The following STX8 variants were observed in gnomAD, a reference collection of about 807,000 sequenced individuals.
STX8 encodes the protein syntaxin 8.
In STX8, 23 loss-of-function variants were observed where a neutral mutation model predicts 37.5. That is an observed-to-expected ratio of 0.61 (90% confidence interval 0.44 to 0.87). The LOEUF (loss-of-function observed/expected upper bound fraction) is 0.87, where lower values mean the gene tolerates loss of function less well. STX8 is among the 40% of genes least tolerant of loss of function. The pLI is 0.00. For synonymous variants in STX8, 115 were observed against 99.1 expected (o/e 1.16, Z -0.95); for missense variants, 313 against 284.7 (o/e 1.10, Z -0.71).
At chr17:9,311,740 A>G (rs1345610385) in intron 7 of STX8, among the ~76,000 whole-genome samples, 1 of 152,210 alleles carries the variant, frequency 6.6e-6, no homozygotes, top group Non-Finnish European at 1.5e-5. Flanking sequence ...ACATGTCCCT[A>G]TCTCATTGGA....
chr17:9,528,288 G>A (rs1413656952), intron 4 of STX8, among the ~76,000 whole-genome samples: 1 of 151,316 alleles, frequency 6.6e-6, no homozygotes, highest in Admixed American at 6.6e-5. Context: ...GAACTTTTGA[G>A]TTACACATTG....
intron 2 of STX8, among the ~76,000 whole-genome samples, chr17:9,565,660 C>G (rs151236612): frequency 1.3e-5 from 2 of 149,690 alleles, no homozygotes; most frequent in South Asian, 4.3e-4. Flanking sequence ...TAAGGCCACA[C>G]GTACAACTAT....
intron 6 of STX8, among the ~76,000 whole-genome samples, chr17:9,482,882 A>C (rs59506467): frequency 0.037 from 5,631 of 152,196 alleles, 334 homozygotes; most frequent in African/African-American, 0.13. Flanking sequence ...CCACTGCACT[A>C]CAGCCTGGGT....
chr17:9,450,109 C>T (rs551981551), intron 6 of STX8, among the ~76,000 whole-genome samples: 5 of 151,836 alleles, frequency 3.3e-5, no homozygotes, highest in East Asian at 3.9e-4. Flanking sequence ...GATGGAGTCT[C>T]GCTCTGTCAT....
intron 6 of STX8, among the ~76,000 whole-genome samples, chr17:9,402,223 G>A (rs1228178206): frequency 6.6e-6 from 1 of 151,976 alleles, no homozygotes; most frequent in East Asian, 1.9e-4. Flanking sequence ...GAGTTCAAGC[G>A]ATTCTCCTGC....
At chr17:9,471,517 T>C (rs1905866499) in intron 6 of STX8, among the ~76,000 whole-genome samples, 1 of 152,042 alleles carries the variant, frequency 6.6e-6, no homozygotes, top group Non-Finnish European at 1.5e-5. Flanking sequence ...ATCCTGGAGC[T>C]TGGATTTTGG....
chr17:9,276,628 G>T (rs1336555775), intron 7 of STX8, among the ~76,000 whole-genome samples: 39 of 141,880 alleles, frequency 2.7e-4, no homozygotes, highest in Non-Finnish European at 3.7e-4. Context: ...TTATTTGTTT[G>T]TTTTTTTTTT....
chr17:9,556,515 C>T (rs1320686790), intron 3 of STX8, among the ~76,000 whole-genome samples: 1 of 151,904 alleles, frequency 6.6e-6, no homozygotes, highest in East Asian at 1.9e-4. Flanking sequence ...GATCTCGGCT[C>T]ACTGCAACCT....
At chr17:9,471,781 G>A (rs1045139453) in intron 6 of STX8, among the ~76,000 whole-genome samples, 1 of 152,172 alleles carries the variant, frequency 6.6e-6, no homozygotes, top group African/African-American at 2.4e-5. Context: ...GGATTCCACT[G>A]GGAGAGGATG....
intron 7 of STX8, among the ~76,000 whole-genome samples, chr17:9,316,229 G>T (rs928360425): frequency 5.3e-5 from 8 of 151,950 alleles, no homozygotes; most frequent in African/African-American, 1.9e-4. Flanking sequence ...TATATATTTG[G>T]CCTTGTTTAA....
At position 9,300,902 on chromosome 17, in the gene STX8, G is replaced by A. The variant is rs369170488; in HGVS notation, c.644-50257C>T. On this transcript the variant is annotated intron_variant, in intron 7 of 7. Coordinates refer to ENST00000306357, the MANE Select transcript of STX8 (RefSeq NM_004853.3). The stretch of plus-strand genomic sequence containing the variant: ...GGCTGGAGTGCAGTGATGCAATCTC[G>A]GCTCACTGCAAACTCCACCTCCCGG... Among the ~76,000 whole-genome samples, 10 of 134,690 alleles carry A rather than the reference G, an allele frequency of 7.4e-5. No homozygotes were observed. The East Asian group carries it at 1.5e-3, about 21-fold the overall frequency. 88.4% of individuals were successfully genotyped at this position (134,690 alleles called of 152,430 possible). A position where few individuals can be genotyped will look rare whatever the true frequency, so the allele number is the denominator to read the frequency against.
At chr17:9,398,016 C>G (rs1429155573) in intron 6 of STX8, among the ~76,000 whole-genome samples, 3 of 137,840 alleles carry the variant, frequency 2.2e-5, no homozygotes, top group Admixed American at 2.2e-4. Context: ...AAAGAACAAA[C>G]AAAATAACAT....
intron 6 of STX8, among the ~76,000 whole-genome samples, chr17:9,382,365 A>G (rs1911854388): frequency 6.6e-6 from 1 of 152,232 alleles, no homozygotes; most frequent in Admixed American, 6.5e-5. Context: ...CAACTATATC[A>G]ATAGTCACAT....
At chr17:9,564,967 G>A (rs1907397047) in intron 2 of STX8, among the ~76,000 whole-genome samples, 1 of 152,208 alleles carries the variant, frequency 6.6e-6, no homozygotes, top group South Asian at 2.1e-4. Flanking sequence ...CAGGACTTTG[G>A]GAAGCCAAGG....
rs374424129 is a variant in STX8, at chr17:9,282,453, T to C, written c.644-31808A>G. 1.4e-4 allele frequency among the ~76,000 whole-genome samples: 21 copies of C among 152,324 alleles called. No homozygotes were observed. The East Asian group carries it at 4.0e-3, about 29-fold the overall frequency. On this transcript the variant is annotated intron_variant, in intron 7 of 7. Coordinates refer to ENST00000306357, the MANE Select transcript of STX8 (RefSeq NM_004853.3). ...CCGGCCTGATGACATTTTCTTACTA[T>C]AATCCCTCCTCTTTGCCTTGGTAGA...
At chr17:9,358,721 G>A (rs1164563881) in intron 7 of STX8, among the ~76,000 whole-genome samples, 1 of 152,166 alleles carries the variant, frequency 6.6e-6, no homozygotes, top group Admixed American at 6.6e-5. Context: ...GCTTGGGCAT[G>A]AGGCCTTTAA....
intron 6 of STX8, among the ~76,000 whole-genome samples, chr17:9,449,899 T>G (rs561761238): frequency 6.6e-6 from 1 of 151,608 alleles, no homozygotes; most frequent in South Asian, 2.1e-4. Flanking sequence ...CTGGAGAATC[T>G]CTTGAGCCCA....
chr17:9,505,354 G>C (rs1210291843), intron 4 of STX8, among the ~76,000 whole-genome samples, 192 bp from the exon 5 acceptor site: 1 of 152,178 alleles, frequency 6.6e-6, no homozygotes, highest in Non-Finnish European at 1.5e-5. Context: ...TAAGGCACAA[G>C]CTTGGTCCTC....
At chr17:9,365,088 G>C (rs1041757773) in intron 7 of STX8, among the ~76,000 whole-genome samples, 2 of 151,498 alleles carry the variant, frequency 1.3e-5, no homozygotes, top group Non-Finnish European at 2.9e-5. Flanking sequence ...AACAGGCCTG[G>C]CGTCTGCCTA....
Sources: allele counts gnomAD v4.1 joint callset (sites outside exome capture counted in the v4.1 genomes callset), GRCh38; gene constraint gnomAD v4.1.1; transcripts MANE v1.5; gene names NCBI Gene and HGNC (gene_info 2026-07-23, HGNC 2026-07-21).